ATF7IP2: variants seen among roughly 807,000 people sequenced by gnomAD.
The protein encoded by ATF7IP2 is activating transcription factor 7-interacting protein 2.
A neutral mutation model predicts 64.2 loss-of-function variants in ATF7IP2; 42 were observed. That is an observed-to-expected ratio of 0.65 (90% CI 0.51 to 0.85). The LOEUF (loss-of-function observed/expected upper bound fraction) is 0.85. Among genes scored for constraint, ATF7IP2 ranks in the 40% least tolerant of loss-of-function variants. ATF7IP2 has a pLI of 0.00. For missense variants in ATF7IP2, 933 were observed against 784.2 expected, an observed-to-expected ratio of 1.19 and a Z score of -2.27; for synonymous variants, 308 against 272.8, an observed-to-expected ratio of 1.13 and a Z score of -1.27.
intron 9 of ATF7IP2, among the ~76,000 whole-genome samples, chr16:10,466,115 G>C (rs2049560238): frequency 6.6e-6 from 1 of 152,142 alleles, no homozygotes; most frequent in Admixed American, 6.6e-5. Context: ...ATCATACTCA[G>C]TGAGCTCTTT....
At chr16:10,433,792 A>T in intron 6 of ATF7IP2, 143 bp downstream of exon 6, 1 of 835,224 alleles carries the variant, frequency 1.2e-6, no homozygotes, top group Non-Finnish European at 1.9e-6. Flanking sequence ...ATTATCAGAC[A>T]GACTGGGGAG....
At chr16:10,475,722 G>A (rs981896037) in intron 12 of ATF7IP2, among the ~76,000 whole-genome samples, 271 of 41,528 alleles carry the variant, frequency 6.5e-3, no homozygotes, top group Middle Eastern at 0.017. Flanking sequence ...TAAGAAGCCA[G>A]AAAAAAAAAA....
At chr16:10,474,519 A>T (rs541362059) in intron 12 of ATF7IP2, among the ~76,000 whole-genome samples, 1 of 152,320 alleles carries the variant, frequency 6.6e-6, no homozygotes, top group Admixed American at 6.5e-5. Flanking sequence ...GCACAGAGAA[A>T]CAGAAACTGG....
At position 10,433,543 on chromosome 16, in the gene ATF7IP2, G is replaced by T. The variant is rs768459665; in HGVS notation, c.854G>T (p.Arg285Met). Residue 285 changes from arginine (R) to methionine (M), a missense_variant, in exon 6 of 14, where the codon AGG (arginine) becomes ATG (methionine). Transcript: ENST00000562102. ...CCTCAAGGCCATTATCAAAAGAAGA[G>T]GATGTTTTCAGAAAACGAGGAAAAT... ...TNNNSHYQKKRMFSENEENVK... is the reference protein window; with the variant it reads ...TNNNSHYQKKMMFSENEENVK... 9 of 1,612,476 alleles carry T rather than the reference G, an allele frequency of 5.6e-6. No individual in the cohort carries two copies. The highest frequency in any genetic ancestry group is 6.8e-6 in the Non-Finnish European group (8 of 1,178,802).
intron 1 of ATF7IP2, among the ~76,000 whole-genome samples, chr16:10,413,664 T>C (rs898764645): frequency 2.0e-5 from 3 of 152,216 alleles, no homozygotes; most frequent in Admixed American, 6.5e-5. Flanking sequence ...TCTGTTTTGA[T>C]GTGTTTCCGA....
At chr16:10,478,860 C>T (rs1446067780) in intron 12 of ATF7IP2, among the ~76,000 whole-genome samples, 3 of 152,210 alleles carry the variant, frequency 2.0e-5, no homozygotes, top group African/African-American at 7.2e-5. Flanking sequence ...AGACACTTCT[C>T]AAAGGAAGAC....
chr16:10,457,732 G>A (rs2049230112), intron 9 of ATF7IP2: 3 of 384,640 alleles, frequency 7.8e-6, no homozygotes, highest in African/African-American at 6.4e-5. Context: ...TTTGAGATAG[G>A]GTCTCACTTT....
chr16:10,465,688 G>C (rs1449572536), intron 9 of ATF7IP2, among the ~76,000 whole-genome samples: 2 of 148,616 alleles, frequency 1.3e-5, no homozygotes, highest in African/African-American at 2.5e-5. Flanking sequence ...GGCGTCATCC[G>C]AGATTGCACC....
At position 10,430,739 on chromosome 16, in the gene ATF7IP2, C is replaced by G. The variant is rs2048217614; in HGVS notation, c.119C>G (p.Thr40Arg). Residue 40 changes from threonine (T) to arginine (R), a missense_variant, in exon 5 of 14, where the codon ACA becomes AGA. Transcript: ENST00000562102. ...TCAAGGAATGTTGAAGCGCTGAAAA[C>G]AGCAATTGGGAGTAATGTTCCAAGC... ...NKSRNVEALK[T>R]AIGSNVPSGN... The G allele has an allele frequency of 6.2e-7, 1 of 1,614,068 alleles. No individual in the cohort carries two copies. Among genetic ancestry groups the G allele is most frequent in the Admixed American group, 1.7e-5 (1 of 60,006 alleles).
At chr16:10,410,164 G>A (rs1596456317) in intron 1 of ATF7IP2, among the ~76,000 whole-genome samples, 1 of 152,180 alleles carries the variant, frequency 6.6e-6, no homozygotes, top group Non-Finnish European at 1.5e-5. Context: ...GCTCTTGGCA[G>A]TGTGGTCATT....
At chr16:10,472,283 G>T in intron 10 of ATF7IP2, 100 bp downstream of exon 10, 1 of 549,654 alleles carries the variant, frequency 1.8e-6, no homozygotes, top group Non-Finnish European at 3.1e-6. Flanking sequence ...TTAATAAAAT[G>T]AAAAAGTTAA....
chr16:10,397,115 G>C (rs1227863919), intron 1 of ATF7IP2, among the ~76,000 whole-genome samples: 1 of 152,126 alleles, frequency 6.6e-6, no homozygotes, highest in African/African-American at 2.4e-5. Flanking sequence ...TTTGCCATTT[G>C]GTTGAAAATC....
intron 1 of ATF7IP2, among the ~76,000 whole-genome samples, chr16:10,409,940 T>C (rs1266687113): frequency 6.6e-6 from 1 of 152,256 alleles, no homozygotes; most frequent in Admixed American, 6.5e-5. Context: ...TTTGTGCCTA[T>C]TTTTATACCA....
At chr16:10,473,559 A>G in intron 11 of ATF7IP2, 25 bp downstream of exon 11, 1 of 1,454,444 alleles carries the variant, frequency 6.9e-7, no homozygotes, top group Non-Finnish European at 9.5e-7. Flanking sequence ...TTGACTCTGA[A>G]TATTGTTTAT....
chr16:10,463,178 T>A (rs920452221), intron 9 of ATF7IP2, among the ~76,000 whole-genome samples: 2 of 152,200 alleles, frequency 1.3e-5, no homozygotes, highest in African/African-American at 4.8e-5. Context: ...CAGTTGCTAA[T>A]TTTGTGTTTG....
intron 7 of ATF7IP2, among the ~76,000 whole-genome samples, chr16:10,438,663 TATC>T (rs760371487): frequency 2.0e-5 from 3 of 152,314 alleles, no homozygotes; most frequent in East Asian, 1.9e-4. Flanking sequence ...TGTGAGAACA[TATC>T]ATAGGCAATG....
In ATF7IP2 at chr16:10,431,033, T is replaced by G; in HGVS notation, c.413T>G (p.Leu138Arg). The G allele has an allele frequency of 1.2e-6, 2 of 1,614,174 alleles. No individual in the cohort carries two copies. The highest frequency in any genetic ancestry group is 1.7e-6 in the Non-Finnish European group (2 of 1,180,032). ...TTCACAGAAGAGGCAAAAGATTCAC[T>G]GAACACTTCTGAAAACGATTCTGAG... ...RVFTEEAKDSLNTSENDSEHQ... is the reference protein window; with the variant it reads ...RVFTEEAKDSRNTSENDSEHQ... The change falls in exon 5 of 14, where the codon CTG (leucine) becomes CGG (arginine). Residue 138 changes from leucine to arginine, a missense_variant. Transcript: ENST00000562102.
chr16:10,398,633 A>G (rs1171014080), intron 1 of ATF7IP2, among the ~76,000 whole-genome samples: 1 of 152,234 alleles, frequency 6.6e-6, no homozygotes, highest in East Asian at 1.9e-4. Flanking sequence ...CATTTGCAAG[A>G]ACATGAATAA....
chr16:10,456,147 G>A (rs1042018516), intron 8 of ATF7IP2, among the ~76,000 whole-genome samples: 3 of 151,856 alleles, frequency 2.0e-5, no homozygotes, highest in Non-Finnish European at 2.9e-5. Flanking sequence ...TCTAAGCAAA[G>A]TGTTGAAGGT....
Sources: allele counts gnomAD v4.1 joint callset (sites outside exome capture counted in the v4.1 genomes callset), GRCh38; gene constraint gnomAD v4.1.1; transcripts MANE v1.5; gene names NCBI Gene and HGNC (gene_info 2026-07-23, HGNC 2026-07-21).